The following C7 variants were observed in gnomAD, a reference collection of about 807,000 sequenced individuals.
C7 encodes the protein complement component C7.
A neutral mutation model predicts 104.8 loss-of-function variants in C7; 83 were observed. That is an observed-to-expected ratio of 0.79 (90% confidence interval 0.66 to 0.95). The LOEUF (loss-of-function observed/expected upper bound fraction) is 0.95, where lower values mean the gene tolerates loss of function less well. C7 is among the 40% of genes least tolerant of loss of function. The pLI, the probability that C7 is intolerant of heterozygous loss-of-function variation, is 0.00. For missense variants in C7, 1,070 were observed against 1,011.2 expected (o/e 1.06, Z -0.79); for synonymous variants, 415 against 360.6 (o/e 1.15, Z -1.71).
At chr5:40,932,793 A>AT (rs1339559609) in intron 3 of C7, among the ~76,000 whole-genome samples, 1 of 152,080 alleles carries the variant, frequency 6.6e-6, no homozygotes, top group Admixed American at 6.6e-5. Flanking sequence ...TATACAAGCA[A>AT]TTTTTTTCTT....
rs1021687234 is a variant in C7 at position 40,982,885 on chromosome 5, C to G, written c.*1312C>G. Reference sequence around the variant, plus strand: ...TGTTCTGACCCTGGTAAATATATTTCAAAACTTCAGATGACAAGGATTAGA... The same window carrying G: ...TGTTCTGACCCTGGTAAATATATTTGAAAACTTCAGATGACAAGGATTAGA... On this transcript the variant is annotated 3_prime_UTR_variant, in exon 18 of 18. Coordinates refer to ENST00000313164, the MANE Select transcript of C7 (RefSeq NM_000587.4). 14 of 152,388 alleles carry G rather than the reference C, an allele frequency of 9.2e-5. No homozygotes were observed. The highest frequency in any genetic ancestry group is 3.1e-4 in the African/African-American group (13 of 41,556). The allele number at this position is 152,388 out of a possible 1,614,324, so 9.4% of individuals were successfully genotyped here. A position where few individuals can be genotyped will look rare whatever the true frequency, so the allele number is the denominator to read the frequency against.
intron 6 of C7, among the ~76,000 whole-genome samples, chr5:40,944,211 T>C (rs6451550): frequency 0.012 from 1,757 of 152,326 alleles, 44 homozygotes; most frequent in African/African-American, 0.041. Context: ...GAGCTCCCAA[T>C]TTGAATATTT....
At chr5:40,911,384 C>T (rs914684113) in intron 1 of C7, among the ~76,000 whole-genome samples, 29 of 152,314 alleles carry the variant, frequency 1.9e-4, no homozygotes, top group African/African-American at 6.3e-4. Flanking sequence ...CCCTTTGGTT[C>T]TCTCTGTGTT....
In C7 at chr5:40,947,598, A is replaced by T. The variant is rs766187424; in HGVS notation, c.739-4A>T. The T allele has an allele frequency of 1.2e-6, 2 of 1,612,892 alleles. No individual in the cohort carries two copies. Among genetic ancestry groups the T allele is most frequent in the Non-Finnish European group, 1.7e-6 (2 of 1,179,426 alleles). On this transcript the variant is annotated splice_region_variant and splice_polypyrimidine_tract_variant and intron_variant, in intron 7 of 17. Transcript: ENST00000313164. The stretch of plus-strand genomic sequence containing the variant: ...ACTCCTTGTACTCTTTCTTCTTTCC[A>T]CAGAGTTACCAACTGCTGGTTGTTG...
At chr5:40,948,965 G>T (rs1036315189) in intron 8 of C7, among the ~76,000 whole-genome samples, 27 of 151,696 alleles carry the variant, frequency 1.8e-4, no homozygotes, top group South Asian at 1.7e-3. Flanking sequence ...ACTAGAACTT[G>T]ATCTTTTCAA....
chr5:40,934,351 T>TG lies in C7; in HGVS notation c.168dup (p.Gln57AlafsTer13), dbSNP rs1739760761. ...CTCGCAGGCGGTCAGTTGCTGTGTATGGGCAGTATGGAGGCCAGCCTTGTG... is the reference window on the plus strand; with the variant it reads ...CTCGCAGGCGGTCAGTTGCTGTGTATGGGGCAGTATGGAGGCCAGCCTTGTG... On this transcript the variant is annotated frameshift_variant, in exon 4 of 18. Coordinates refer to ENST00000313164, the MANE Select transcript of C7 (RefSeq NM_000587.4). LOFTEE classifies it high-confidence loss of function. 9 of 1,612,810 alleles carry TG rather than the reference T, an allele frequency of 5.6e-6. No individual in the cohort carries two copies. In the East Asian group the frequency reaches 2.0e-4, roughly 36 times the overall value.
rs149998680 is a variant in C7, at chr5:40,937,850, T to C, written c.567+160T>C. Among the ~76,000 whole-genome samples, 61 of 152,298 alleles carry C rather than the reference T, an allele frequency of 4.0e-4. 1 individual carries two copies. The highest frequency in any genetic ancestry group is 6.6e-4 in the Non-Finnish European group (45 of 68,016). ...ACTTAAAAAGTATACACAGTGTTTT[T>C]GCTTTGGGGTACAGGGCAATGATAC... is the stretch of plus-strand genomic sequence containing the variant. On this transcript the variant is annotated intron_variant, in intron 6 of 17. Coordinates refer to ENST00000313164, the MANE Select transcript of C7 (RefSeq NM_000587.4).
At chr5:40,950,447 T>A (rs989298181) in intron 9 of C7, among the ~76,000 whole-genome samples, 2 of 152,320 alleles carry the variant, frequency 1.3e-5, no homozygotes, top group African/African-American at 2.4e-5. Flanking sequence ...ATCCAGTTTA[T>A]CATTGATGGG....
chr5:40,949,033 A>C (rs1409107919), intron 8 of C7, among the ~76,000 whole-genome samples: 1 of 152,102 alleles, frequency 6.6e-6, no homozygotes, highest in Non-Finnish European at 1.5e-5. Flanking sequence ...CGACAAGGAC[A>C]CTATTTCTTT....
intron 14 of C7, chr5:40,972,011 G>C (rs1390041637): frequency 4.4e-6 from 2 of 450,282 alleles, no homozygotes; most frequent in Non-Finnish European, 8.8e-6. Context: ...ATTTCAGACG[G>C]CAAAATATCC....
At chr5:40,971,842 A>C (rs1316679847) in intron 14 of C7, among the ~76,000 whole-genome samples, 1 of 152,038 alleles carries the variant, frequency 6.6e-6, no homozygotes, top group Non-Finnish European at 1.5e-5. Flanking sequence ...ATTAAACAGG[A>C]AATCCTTTCC....
At chr5:40,941,762 G>T (rs1295312045) in intron 6 of C7, among the ~76,000 whole-genome samples, 1 of 152,134 alleles carries the variant, frequency 6.6e-6, no homozygotes, top group African/African-American at 2.4e-5. Flanking sequence ...CCTCTGAGAT[G>T]GGTAAAGACC....
rs765149376 is a variant in C7, at chr5:40,964,821, G to A, written c.1830G>A (p.Val610=). The A allele has an allele frequency of 5.6e-6, 9 of 1,613,632 alleles. No individual in the cohort carries two copies. In the Admixed American group the frequency reaches 1.2e-4, roughly 21 times the overall value. Residue 610 remains valine (V), a synonymous_variant, in exon 14 of 18, where the codon GTG becomes GTA. Transcript: ENST00000313164. ...NEGYSLIGNP[V]ARCGEDLRWL... is the part of the protein sequence containing the mutation. ...GATACTCTCTTATTGGAAACCCAGT[G>A]GCCAGATGTGGAGAAGATTTACGGT...
At chr5:40,910,736 G>T (rs1426000637) in intron 1 of C7, among the ~76,000 whole-genome samples, 1 of 145,726 alleles carries the variant, frequency 6.9e-6, no homozygotes, top group Non-Finnish European at 1.5e-5. Context: ...TGGGCATAAA[G>T]ATGGCAACAC....
In C7 at chr5:40,933,396, G is replaced by A. The variant is rs116785946; in HGVS notation, c.139-929G>A. 3.6e-3 allele frequency among the ~76,000 whole-genome samples: 554 copies of A among 152,336 alleles called. 5 individuals carry two copies. The highest frequency in any genetic ancestry group is 0.013 in the African/African-American group (528 of 41,582). On this transcript the variant is annotated intron_variant, in intron 3 of 17. Transcript: ENST00000313164. ...AATGGAGAAGAGGTGAGTAGAGGAA[G>A]AGGCCTGGAAGATGCTCACTGATTG...
rs1185628623 is a variant in C7, at chr5:40,983,223, A to T, written c.*1650A>T. 6.6e-6 allele frequency among the ~76,000 whole-genome samples: 1 copy of T among 152,236 alleles called. No homozygotes were observed. Among genetic ancestry groups the T allele is most frequent in the Admixed American group, 6.5e-5 (1 of 15,286 alleles). On this transcript the variant is annotated 3_prime_UTR_variant, in exon 18 of 18. Transcript: ENST00000313164. ...ATTTGAACATGCTAGGCCTGGATGC[A>T]GACCCTGAGACAAAAGGTTGAACAA...
chr5:40,921,899 G>A (rs987171780), intron 1 of C7, among the ~76,000 whole-genome samples: 4 of 151,680 alleles, frequency 2.6e-5, no homozygotes, highest in Non-Finnish European at 4.4e-5. Context: ...TCAGCCAGGC[G>A]TGGTGGTGCG....
In C7 at chr5:40,937,697, A is replaced by C; in HGVS notation, c.567+7A>C. The C allele has an allele frequency of 6.4e-7, 1 of 1,556,260 alleles. No homozygotes were observed. The highest frequency in any genetic ancestry group is 8.7e-7 in the Non-Finnish European group (1 of 1,150,380). On this transcript the variant is annotated splice_region_variant and intron_variant, in intron 6 of 17. Coordinates refer to ENST00000313164, the MANE Select transcript of C7 (RefSeq NM_000587.4). ...CCTGTCCTATACATTCCAGGTACTT[A>C]CGACGTTATTGATTTCCAATCTGGA... is the stretch of plus-strand genomic sequence containing the variant.
intron 14 of C7, among the ~76,000 whole-genome samples, chr5:40,965,506 G>A (rs1462421251): frequency 2.6e-5 from 4 of 152,086 alleles, no homozygotes. Context: ...AGATTTAGTG[G>A]AGGCTGCCAG....
Sources: gnomAD v4.1 joint callset for allele counts (sites outside exome capture counted in the v4.1 genomes callset) on GRCh38, gnomAD v4.1.1 for gene constraint, MANE v1.5 for transcripts, NCBI Gene and HGNC (gene_info 2026-07-23, HGNC 2026-07-21) for gene names.